C2CD2L: variants seen among roughly 807,000 people sequenced by gnomAD.
The protein encoded by C2CD2L is C2CD2 like, also known as phospholipid transfer protein C2CD2L.
A neutral mutation model predicts 69.9 loss-of-function variants in C2CD2L; 24 were observed. The observed-to-expected ratio is 0.34, with a 90% CI of 0.25 to 0.48. The LOEUF (loss-of-function observed/expected upper bound fraction) is 0.48. Among genes scored for constraint, C2CD2L ranks in the 20% least tolerant of loss-of-function variants. The pLI is 0.99. For synonymous variants in C2CD2L, 367 were observed against 391.0 expected (o/e 0.94, Z 0.72); for missense variants, 811 against 941.5 (o/e 0.86, Z 1.81).
In C2CD2L at chr11:119,116,293, C is replaced by T. The variant is rs371669772; in HGVS notation, c.*37C>T. The T allele has an allele frequency of 1.6e-5, 23 of 1,483,468 alleles. No homozygotes were observed. The highest frequency in any genetic ancestry group is 2.1e-5 in the Non-Finnish European group (22 of 1,062,772). The allele number at this position is 1,483,468 out of a possible 1,614,324, so 91.9% of individuals were successfully genotyped here. On this transcript the variant is annotated 3_prime_UTR_variant, in exon 14 of 14. Transcript: ENST00000648610. ...TGAAAGGGCACGAGTTCTCTCAGCCCATTCCCCACCTCCCCTTCCATACCC... is the reference window on the plus strand; with the variant it reads ...TGAAAGGGCACGAGTTCTCTCAGCCTATTCCCCACCTCCCCTTCCATACCC...
rs775605449 is a variant in C2CD2L, at chr11:119,109,271, C to T, written c.355-833C>T. ...AACCCTATGGATTTGTTTCCTCCAT[C>T]TCAAGACCCAAGGAAGAGTTGCCAG... is the stretch of plus-strand genomic sequence containing the variant. On this transcript the variant is annotated intron_variant, in intron 1 of 13. Coordinates refer to ENST00000648610, the MANE Select transcript of C2CD2L (RefSeq NM_001290474.2). This position sits in a 1 kb window ranked among gnomAD's most constrained non-coding sequence, Gnocchi z 5.1. Among the ~76,000 whole-genome samples the T allele has an allele frequency of 1.3e-5, 2 of 152,250 alleles. No individual in the cohort carries two copies. The highest frequency in any genetic ancestry group is 2.9e-5 in the Non-Finnish European group (2 of 68,040).
intron 8 of C2CD2L, 22 bp from the exon 9 acceptor site, chr11:119,112,460 A>G: frequency 6.2e-7 from 1 of 1,613,824 alleles, no homozygotes; most frequent in Non-Finnish European, 8.5e-7. Context: ...GGCCCAGCTC[A>G]CAGTGCCATC....
At chr11:119,108,184 T>C in intron 1 of C2CD2L, 89 bp downstream of exon 1, 1 of 868,626 alleles carries the variant, frequency 1.2e-6, no homozygotes, top group Non-Finnish European at 1.8e-6. Flanking sequence ...CAGACGAGGG[T>C]GGGCATAAAC....
intron 1 of C2CD2L, 65 bp downstream of exon 1, chr11:119,108,160 T>G (rs1351959454): frequency 1.7e-6 from 2 of 1,148,522 alleles, no homozygotes; most frequent in Non-Finnish European, 2.5e-6. Context: ...GACTGACTGC[T>G]CGTGCTAGGA....
Position 119,107,558 on chromosome 11 carries a change from C to T in C2CD2L, c.-184C>T. ...ACAGAGACCCCGGCATCGCGACCCC[C>T]GAGGACCTCCTCTCCTCGCCCTGTG... is the stretch of plus-strand genomic sequence containing the variant. On this transcript the variant is annotated 5_prime_UTR_variant, in exon 1 of 14. Coordinates refer to ENST00000648610, the MANE Select transcript of C2CD2L (RefSeq NM_001290474.2). The surrounding 1 kb of genome is among the most constrained non-coding windows in gnomAD (Gnocchi z 5.4). The T allele has an allele frequency of 2.4e-6, 1 of 422,480 alleles. No homozygotes were observed. The highest frequency in any genetic ancestry group is 4.5e-5 in the Admixed American group (1 of 22,212). 26.2% of individuals were successfully genotyped at this position (422,480 alleles called of 1,614,324 possible).
intron 11 of C2CD2L, 27 bp from the exon 12 acceptor site, chr11:119,113,828 G>T: frequency 6.2e-7 from 1 of 1,612,938 alleles, no homozygotes; most frequent in Non-Finnish European, 8.5e-7. Context: ...GAGAAGTCAG[G>T]TTATTCATTC....
At chr11:119,106,425 G>T (rs938257727), upstream of C2CD2L, among the ~76,000 whole-genome samples, 3 of 152,170 alleles carry the variant, frequency 2.0e-5, no homozygotes, top group Non-Finnish European at 4.4e-5. Context: ...TCCTTTTGCA[G>T]GTATTTCCTT....
Position 119,114,387 on chromosome 11 carries a change from G to A in C2CD2L, c.1909+22G>A. ...AAAGGTAGGGGGACGTTGGCAGGGT[G>A]CCCCTCATCTCTTCTTTTATACACA... On this transcript the variant is annotated intron_variant, in intron 13 of 13. Coordinates refer to ENST00000648610, the MANE Select transcript of C2CD2L (RefSeq NM_001290474.2). The surrounding 1 kb of genome is among the most constrained non-coding windows in gnomAD (Gnocchi z 5.1). 1 of 1,611,254 alleles carries A rather than the reference G, an allele frequency of 6.2e-7. No homozygotes were observed. Among genetic ancestry groups the A allele is most frequent in the Non-Finnish European group, 8.5e-7 (1 of 1,178,434 alleles).
rs1323975775 is a variant in C2CD2L, at chr11:119,113,119, C to T, written c.1387+245C>T. The T allele has an allele frequency of 7.0e-6, 4 of 570,762 alleles. No individual in the cohort carries two copies. In the East Asian group the frequency reaches 8.8e-5, roughly 13 times the overall value. The allele number at this position is 570,762 out of a possible 1,614,324, so 35.4% of individuals were successfully genotyped here. On this transcript the variant is annotated intron_variant, in intron 10 of 13. Coordinates refer to ENST00000648610, the MANE Select transcript of C2CD2L (RefSeq NM_001290474.2). ...CTGGATCCTCCTGCCCCTCCTCATA[C>T]AGGACTGTTGCACTCCTACCTTCCA...
Position 119,116,316 on chromosome 11 carries a change from C to T in C2CD2L, c.*60C>T. On this transcript the variant is annotated 3_prime_UTR_variant, in exon 14 of 14. Coordinates refer to ENST00000648610, the MANE Select transcript of C2CD2L (RefSeq NM_001290474.2). ...CCCATTCCCCACCTCCCCTTCCATA[C>T]CCCTTCCTGGATCTCCAGTGCCTGG... 7.4e-7 allele frequency: 1 copy of T among 1,354,204 alleles called. No individual in the cohort carries two copies. The highest frequency in any genetic ancestry group is 1.1e-6 in the Non-Finnish European group (1 of 952,368). 83.9% of individuals were successfully genotyped at this position (1,354,204 alleles called of 1,614,324 possible). A position where few individuals can be genotyped will look rare whatever the true frequency, so the allele number is the denominator to read the frequency against.
rs750749347 is a variant in C2CD2L, at chr11:119,110,056, G to C, written c.355-48G>C. 2.2e-6 allele frequency: 3 copies of C among 1,381,460 alleles called. No homozygotes were observed. The highest frequency in any genetic ancestry group is 2.3e-5 in the South Asian group (2 of 86,392). The allele number at this position is 1,381,460 out of a possible 1,614,324, so 85.6% of individuals were successfully genotyped here. A position where few individuals can be genotyped will look rare whatever the true frequency, so the allele number is the denominator to read the frequency against. On this transcript the variant is annotated intron_variant, in intron 1 of 13. Transcript: ENST00000648610. This position sits in a 1 kb window ranked among gnomAD's most constrained non-coding sequence, Gnocchi z 5.7. ...CAGCAACTGAGCAGGCCAACCCTGT[G>C]GGGGGCAGCTCCAGAGACCTGATCC...
upstream of C2CD2L, among the ~76,000 whole-genome samples, chr11:119,106,141 C>T (rs1946582762): frequency 6.6e-6 from 1 of 152,228 alleles, no homozygotes; most frequent in Non-Finnish European, 1.5e-5. Context: ...TCTAGGGAGG[C>T]CCAGGCTACC....
upstream of C2CD2L, among the ~76,000 whole-genome samples, chr11:119,103,636 G>A (rs957967684): frequency 6.6e-6 from 1 of 152,150 alleles, no homozygotes; most frequent in Non-Finnish European, 1.5e-5. Flanking sequence ...TGAGGAGGTT[G>A]CAGTGAGCCG....
rs1257223939 is a variant in C2CD2L at position 119,114,186 on chromosome 11, C to T, written c.1730C>T (p.Pro577Leu). Residue 577 changes from proline to leucine, a missense_variant, in exon 13 of 14, where the codon CCC becomes CTC. By Grantham distance (98) the Pro-to-Leu change is moderately conservative. Coordinates refer to ENST00000648610, the MANE Select transcript of C2CD2L (RefSeq NM_001290474.2). This position sits in a 1 kb window ranked among gnomAD's most constrained non-coding sequence, Gnocchi z 5.1. Reference protein sequence around the residue: ...AGTSGGPSSPPSDPPAMSPGP... With the variant: ...AGTSGGPSSPLSDPPAMSPGP... ...ACCAGCGGAGGCCCCTCTTCACCTC[C>T]CTCAGACCCACCAGCCATGTCTCCA... The T allele has an allele frequency of 5.0e-6, 8 of 1,614,070 alleles. No homozygotes were observed. The highest frequency in any genetic ancestry group is 5.9e-6 in the Non-Finnish European group (7 of 1,180,036).
Position 119,109,471 on chromosome 11 carries a change from G to A in C2CD2L, c.355-633G>A, listed in dbSNP as rs1162763123. 6.6e-6 allele frequency among the ~76,000 whole-genome samples: 1 copy of A among 152,190 alleles called. No homozygotes were observed. The highest frequency in any genetic ancestry group is 1.9e-4 in the East Asian group (1 of 5,200). On this transcript the variant is annotated intron_variant, in intron 1 of 13. Transcript: ENST00000648610. The surrounding 1 kb of genome is among the most constrained non-coding windows in gnomAD (Gnocchi z 5.1). ...CCTTGAGGAATTAGCCAGGCCCCTGGACTCTTGGGTCCTCTGAGCTTGTAT... is the reference window on the plus strand; with the variant it reads ...CCTTGAGGAATTAGCCAGGCCCCTGAACTCTTGGGTCCTCTGAGCTTGTAT...
In C2CD2L at chr11:119,110,085, G is replaced by T. The variant is rs1015276550; in HGVS notation, c.355-19G>T. The T allele has an allele frequency of 6.3e-7, 1 of 1,575,384 alleles. No homozygotes were observed. The highest frequency in any genetic ancestry group is 1.3e-5 in the African/African-American group (1 of 74,304). On this transcript the variant is annotated intron_variant, in intron 1 of 13. Coordinates refer to ENST00000648610, the MANE Select transcript of C2CD2L (RefSeq NM_001290474.2). This position sits in a 1 kb window ranked among gnomAD's most constrained non-coding sequence, Gnocchi z 5.7. Reference sequence around the variant, plus strand: ...GGCAGCTCCAGAGACCTGATCCAATGCCCACATTACTCCCTCAGAGCTCCA... The same window carrying T: ...GGCAGCTCCAGAGACCTGATCCAATTCCCACATTACTCCCTCAGAGCTCCA...
In C2CD2L at chr11:119,116,062, G is replaced by C. The variant is rs1356551037; in HGVS notation, c.1927G>C (p.Gly643Arg). 3 of 1,613,588 alleles carry C rather than the reference G, an allele frequency of 1.9e-6. No individual in the cohort carries two copies. Among genetic ancestry groups the C allele is most frequent in the South Asian group, 2.2e-5 (2 of 91,066 alleles). The change falls in exon 14 of 14, where the codon GGC becomes CGC. Residue 643 changes from glycine (G) to arginine (R), a missense_variant. By Grantham distance (125) the Gly-to-Arg change is moderately radical (BLOSUM62 -2). Transcript: ENST00000648610. ...CCCTGCAGTGAGTTTCCTGCGCAGC[G>C]GCACTAAGCTCATCTTCCGCCGGAG... is the stretch of plus-strand genomic sequence containing the variant. ...KDHKVSFLRS[G>R]TKLIFRRRPR...
upstream of C2CD2L, chr11:119,106,665 T>C (rs1338020203): frequency 6.6e-6 from 1 of 152,260 alleles, no homozygotes; most frequent in Non-Finnish European, 1.5e-5. Context: ...CCACCCCCTC[T>C]ACACGTGCTC....
chr11:119,109,314 C>T lies in C2CD2L; in HGVS notation c.355-790C>T, dbSNP rs1261069867. On this transcript the variant is annotated intron_variant, in intron 1 of 13. Coordinates refer to ENST00000648610, the MANE Select transcript of C2CD2L (RefSeq NM_001290474.2). The surrounding 1 kb of genome is among the most constrained non-coding windows in gnomAD (Gnocchi z 5.1). The stretch of plus-strand genomic sequence containing the variant: ...GTTGCCAGCCAATTCTGTGCCCCTT[C>T]CTCAATTCTGTGTCCGCACTGCTCT... Among the ~76,000 whole-genome samples, 1 of 152,252 alleles carries T rather than the reference C, an allele frequency of 6.6e-6. No individual in the cohort carries two copies. The highest frequency in any genetic ancestry group is 1.5e-5 in the Non-Finnish European group (1 of 68,044).
Sources: allele counts gnomAD v4.1 joint callset (sites outside exome capture counted in the v4.1 genomes callset), GRCh38; gene constraint gnomAD v4.1.1; non-coding constraint Gnocchi (gnomAD v3.1); transcripts MANE v1.5; gene names NCBI Gene and HGNC (gene_info 2026-07-23, HGNC 2026-07-21).